STARD3NL: variants seen among roughly 807,000 people sequenced by gnomAD.
STARD3NL encodes STARD3 N-terminal like.
In STARD3NL, 17 loss-of-function variants were observed where a neutral mutation model predicts 30.9. That is an observed-to-expected ratio of 0.55 (90% CI 0.38 to 0.82). STARD3NL has a LOEUF of 0.82. Ranked by LOEUF, STARD3NL falls within the 40% of genes least tolerant of loss-of-function variation. The pLI is 0.00. For synonymous variants in STARD3NL, 112 were observed against 100.5 expected (o/e 1.11, Z -0.69); for missense variants, 234 against 277.6 (o/e 0.84, Z 1.12).
chr7:38,195,575 G>A (rs1423770586), intron 1 of STARD3NL, among the ~76,000 whole-genome samples: 1 of 152,194 alleles, frequency 6.6e-6, no homozygotes, highest in Non-Finnish European at 1.5e-5. Flanking sequence ...GTATAGTCAA[G>A]TTCAGTGATT....
At chr7:38,191,274 C>CT (rs1784674971) in intron 1 of STARD3NL, among the ~76,000 whole-genome samples, 1 of 152,120 alleles carries the variant, frequency 6.6e-6, no homozygotes, top group Non-Finnish European at 1.5e-5. Context: ...TGCCATCTGT[C>CT]TTTTATTTAC....
At chr7:38,214,554 CCTTTT>C (rs1785992860) in intron 3 of STARD3NL, 120 bp downstream of exon 3, 3 of 567,058 alleles carry the variant, frequency 5.3e-6, no homozygotes, top group Non-Finnish European at 9.1e-6. Context: ...ACCATATTTT[CCTTTT>C]CTTTTAATTC....
At chr7:38,197,156 CTTTCTT>C (rs1784949705) in intron 1 of STARD3NL, among the ~76,000 whole-genome samples, 1 of 145,124 alleles carries the variant, frequency 6.9e-6, no homozygotes, top group Non-Finnish European at 1.5e-5. Context: ...TTCTTTCTTT[CTTTCTT>C]TCTTTCTTTC....
At chr7:38,228,939 A>G in intron 8 of STARD3NL, 68 bp downstream of exon 8, 1 of 1,139,966 alleles carries the variant, frequency 8.8e-7, no homozygotes. Flanking sequence ...GAGTAGAGTC[A>G]AAGTAGAATT....
chr7:38,220,193 G>A (rs939917583), intron 7 of STARD3NL, among the ~76,000 whole-genome samples: 1 of 152,068 alleles, frequency 6.6e-6, no homozygotes, highest in Admixed American at 6.5e-5. Flanking sequence ...TGCAGTTTCT[G>A]CAAGAGCCTT....
At chr7:38,182,876 A>G (rs1386066817) in intron 1 of STARD3NL, among the ~76,000 whole-genome samples, 1 of 152,150 alleles carries the variant, frequency 6.6e-6, no homozygotes, top group Non-Finnish European at 1.5e-5. Context: ...CAGTGTATTC[A>G]ATCTGGAGTT....
In STARD3NL at chr7:38,217,178, T is replaced by C. The variant is rs1438597423; in HGVS notation, c.436-10T>C. The C allele has an allele frequency of 1.9e-6, 3 of 1,614,006 alleles. No homozygotes were observed. The highest frequency in any genetic ancestry group is 2.2e-5 in the East Asian group (1 of 44,878). On this transcript the variant is annotated splice_polypyrimidine_tract_variant and intron_variant, in intron 5 of 8. Coordinates refer to ENST00000009041, the MANE Select transcript of STARD3NL (RefSeq NM_032016.4). The stretch of plus-strand genomic sequence containing the variant: ...TAACTGCATTTCCCTTTCCTGGTCG[T>C]ATTTTCCAGCTTTTCTCTCAAGGGG...
intron 7 of STARD3NL, among the ~76,000 whole-genome samples, chr7:38,222,064 C>G (rs961737485): frequency 6.6e-6 from 1 of 152,020 alleles, no homozygotes; most frequent in Non-Finnish European, 1.5e-5. Context: ...CTGACCTGGT[C>G]TGTTTCTACT....
intron 1 of STARD3NL, among the ~76,000 whole-genome samples, chr7:38,205,571 C>T (rs1785414793): frequency 6.6e-6 from 1 of 151,990 alleles, no homozygotes; most frequent in Non-Finnish European, 1.5e-5. Context: ...AGGTTGTTTT[C>T]TAATTGATAC....
In STARD3NL at chr7:38,191,286, A is replaced by G. The variant is rs561612093; in HGVS notation, c.-59+12866A>G. Among the ~76,000 whole-genome samples, 10 of 152,298 alleles carry G rather than the reference A, an allele frequency of 6.6e-5. No homozygotes were observed. In the South Asian group the frequency reaches 1.0e-3, roughly 16 times the overall value. On this transcript the variant is annotated intron_variant, in intron 1 of 8. Coordinates refer to ENST00000009041, the MANE Select transcript of STARD3NL (RefSeq NM_032016.4). ...CCCTGCCATCTGTCTTTTATTTACAATATTACCATGGACTCATGGAATTTT... is the reference window on the plus strand; with the variant it reads ...CCCTGCCATCTGTCTTTTATTTACAGTATTACCATGGACTCATGGAATTTT...
intron 7 of STARD3NL, among the ~76,000 whole-genome samples, chr7:38,223,309 C>T (rs902787922): frequency 6.6e-6 from 1 of 152,100 alleles, no homozygotes. Flanking sequence ...TTGATCAGAC[C>T]GCATCCTGCA....
chr7:38,212,834 G>C (rs1354806554), intron 2 of STARD3NL, among the ~76,000 whole-genome samples: 1 of 152,184 alleles, frequency 6.6e-6, no homozygotes, highest in East Asian at 1.9e-4. Flanking sequence ...ATGAACTCTA[G>C]AAGAGTAGTA....
At chr7:38,179,235 C>T (rs905305257) in intron 1 of STARD3NL, 1 of 152,192 alleles carries the variant, frequency 6.6e-6, no homozygotes, top group Non-Finnish European at 1.5e-5. Flanking sequence ...AAAGGTAATT[C>T]CCGTCTGTAT....
intron 6 of STARD3NL, 143 bp downstream of exon 6, chr7:38,217,448 G>A (rs1786189746): frequency 1.4e-6 from 1 of 707,700 alleles, no homozygotes; most frequent in South Asian, 1.8e-5. Flanking sequence ...GGCTACAGCA[G>A]AAATCGAGAG....
intron 2 of STARD3NL, among the ~76,000 whole-genome samples, chr7:38,210,789 A>G (rs1050796704): frequency 6.6e-5 from 10 of 152,186 alleles, no homozygotes; most frequent in African/African-American, 2.2e-4. Flanking sequence ...GATTGAGACT[A>G]TGGTTCAAAA....
intron 1 of STARD3NL, among the ~76,000 whole-genome samples, chr7:38,188,148 G>A (rs1005605277): frequency 6.6e-6 from 1 of 152,012 alleles, no homozygotes; most frequent in Admixed American, 6.6e-5. Flanking sequence ...AAAATCTTCC[G>A]GTGTCTTCCC....
intron 2 of STARD3NL, among the ~76,000 whole-genome samples, chr7:38,208,704 G>T (rs1237807778): frequency 6.6e-6 from 1 of 152,080 alleles, no homozygotes; most frequent in East Asian, 1.9e-4. Flanking sequence ...ATTCCCTGTT[G>T]TTTATTTTTA....
intron 2 of STARD3NL, 46 bp from the exon 3 acceptor site, chr7:38,214,311 C>T: frequency 2.4e-6 from 3 of 1,230,528 alleles, no homozygotes; most frequent in Non-Finnish European, 3.5e-6. Context: ...GTTTTATTTC[C>T]ACACATAAAC....
chr7:38,208,540 C>G (rs572107097), intron 2 of STARD3NL, among the ~76,000 whole-genome samples: 1 of 152,082 alleles, frequency 6.6e-6, no homozygotes, highest in Admixed American at 6.6e-5. Flanking sequence ...GTTTTCTTCC[C>G]AAAGCCTTTG....
Sources: gnomAD v4.1 joint callset for allele counts (sites outside exome capture counted in the v4.1 genomes callset) on GRCh38, gnomAD v4.1.1 for gene constraint, MANE v1.5 for transcripts, NCBI Gene and HGNC (gene_info 2026-07-23, HGNC 2026-07-21) for gene names.